OXSR1: variants seen among roughly 807,000 people sequenced by gnomAD.
OXSR1 encodes oxidative stress responsive kinase 1.
In OXSR1, 24 loss-of-function variants were observed where a neutral mutation model predicts 79.8. That is an observed-to-expected ratio of 0.30 (90% CI 0.22 to 0.42). OXSR1 has a LOEUF of 0.42. Among genes scored for constraint, OXSR1 ranks in the 10% least tolerant of loss-of-function variants. The pLI is 1.00. For missense variants in OXSR1, 430 were observed against 618.4 expected (o/e 0.70, Z 3.23); for synonymous variants, 226 against 209.2 (o/e 1.08, Z -0.69).
At position 38,197,320 on chromosome 3, in the gene OXSR1, C is replaced by T. The variant is rs35268196; in HGVS notation, c.293-1402C>T. Reference sequence around the variant, plus strand: ...GGTGAAGAGTTAGTAGGCAAGCCTCCGGGGAGGAATAGGAATCTGAGAATC... The same window carrying T: ...GGTGAAGAGTTAGTAGGCAAGCCTCTGGGGAGGAATAGGAATCTGAGAATC... On this transcript the variant is annotated intron_variant, in intron 3 of 17. Coordinates refer to ENST00000311806, the MANE Select transcript of OXSR1 (RefSeq NM_005109.3). Among the ~76,000 whole-genome samples the T allele has an allele frequency of 7.7e-4, 118 of 152,304 alleles. No homozygotes were observed. In the East Asian group the frequency reaches 0.019, roughly 25 times the overall value.
At chr3:38,191,393 C>A (rs1450161375) in intron 3 of OXSR1, among the ~76,000 whole-genome samples, 1 of 151,978 alleles carries the variant, frequency 6.6e-6, no homozygotes, top group Non-Finnish European at 1.5e-5. Context: ...AGGATGCTTC[C>A]TTCTTGCTTC....
chr3:38,183,426 T>G (rs1701824080), intron 2 of OXSR1, among the ~76,000 whole-genome samples: 1 of 152,348 alleles, frequency 6.6e-6, no homozygotes, highest in South Asian at 2.1e-4. Context: ...GAACTTTTTC[T>G]GTGTCTGTAA....
At chr3:38,179,012 G>T (rs1451965835) in intron 1 of OXSR1, among the ~76,000 whole-genome samples, 5 of 144,794 alleles carry the variant, frequency 3.5e-5, no homozygotes, top group Non-Finnish European at 6.0e-5. Flanking sequence ...CTACAGACGT[G>T]CACCACCACA....
intron 7 of OXSR1, 53 bp from the exon 8 acceptor site, chr3:38,224,518 G>T (rs1325130830): frequency 2.1e-6 from 3 of 1,458,346 alleles, no homozygotes; most frequent in Non-Finnish European, 2.8e-6. Flanking sequence ...GACCACAATA[G>T]TTAAACTTTA....
At position 38,247,249 on chromosome 3, in the gene OXSR1, C is replaced by T. The variant is rs569368520; in HGVS notation, c.1258-419C>T. On this transcript the variant is annotated intron_variant, in intron 13 of 17. Transcript: ENST00000311806. ...AGTTTAGCCATAAAAAGACTGGAAC[C>T]TATGTATGGGTTGGATGGATTTCTG... Among the ~76,000 whole-genome samples, 13 of 152,172 alleles carry T rather than the reference C, an allele frequency of 8.5e-5. No individual in the cohort carries two copies. The East Asian group carries it at 2.1e-3, about 25-fold the overall frequency.
At chr3:38,167,637 A>G (rs1192640268) in intron 1 of OXSR1, among the ~76,000 whole-genome samples, 1 of 152,258 alleles carries the variant, frequency 6.6e-6, no homozygotes, top group Non-Finnish European at 1.5e-5. Flanking sequence ...AAACAAAAAC[A>G]AAACAAAACA....
intron 16 of OXSR1, 124 bp downstream of exon 16, chr3:38,251,595 C>T (rs1703258190): frequency 2.7e-6 from 2 of 752,076 alleles, no homozygotes; most frequent in Admixed American, 2.1e-5. Context: ...CTTGGCTTTC[C>T]TGAAATTATA....
At chr3:38,216,853 C>T (rs936455967) in intron 5 of OXSR1, among the ~76,000 whole-genome samples, 3 of 151,992 alleles carry the variant, frequency 2.0e-5, no homozygotes, top group Non-Finnish European at 2.9e-5. Context: ...TCTTCATGTC[C>T]GTGAGGTAAG....
chr3:38,178,153 G>A (rs1167674774), intron 1 of OXSR1, among the ~76,000 whole-genome samples: 1 of 152,166 alleles, frequency 6.6e-6, no homozygotes, highest in Non-Finnish European at 1.5e-5. Flanking sequence ...GATTCGCCAT[G>A]TTGGCCAGGC....
chr3:38,198,385 A>G (rs543070572), intron 3 of OXSR1, among the ~76,000 whole-genome samples: 55 of 152,218 alleles, frequency 3.6e-4, no homozygotes, highest in African/African-American at 1.3e-3. Flanking sequence ...TTAAAAGCCT[A>G]TATTGGTTTG....
intron 1 of OXSR1, among the ~76,000 whole-genome samples, chr3:38,172,694 G>T (rs116130168): frequency 5.8e-4 from 89 of 152,220 alleles, no homozygotes; most frequent in African/African-American, 2.0e-3. Flanking sequence ...GCTTAATAGT[G>T]TATTTTTCCA....
intron 12 of OXSR1, among the ~76,000 whole-genome samples, chr3:38,243,858 G>A (rs549645903): frequency 5.3e-5 from 8 of 152,232 alleles, no homozygotes; most frequent in South Asian, 2.1e-4. Flanking sequence ...GGGGAATTGC[G>A]TTTTCCTGCC....
chr3:38,182,261 G>A (rs1039517030), intron 1 of OXSR1, among the ~76,000 whole-genome samples: 12 of 152,146 alleles, frequency 7.9e-5, no homozygotes, highest in African/African-American at 2.9e-4. Context: ...GCTGCTAAGG[G>A]CAGATTGGCT....
rs574242444 is a variant in OXSR1 at position 38,186,954 on chromosome 3, A to G, written c.184-3777A>G. ...AATATATGAGCTTTTCAGTTTCTCT[A>G]TATCCTCACCAATACTTGTTATTGT... is the stretch of plus-strand genomic sequence containing the variant. On this transcript the variant is annotated intron_variant, in intron 2 of 17. Coordinates refer to ENST00000311806, the MANE Select transcript of OXSR1 (RefSeq NM_005109.3). 1.3e-4 allele frequency among the ~76,000 whole-genome samples: 20 copies of G among 152,302 alleles called. No homozygotes were observed. The South Asian group carries it at 1.9e-3, about 14-fold the overall frequency.
chr3:38,211,650 TC>T (rs1702390444), intron 4 of OXSR1, among the ~76,000 whole-genome samples: 1 of 152,196 alleles, frequency 6.6e-6, no homozygotes, highest in Non-Finnish European at 1.5e-5. Context: ...TAGTTTTAGC[TC>T]CTAACCTTAT....
intron 8 of OXSR1, among the ~76,000 whole-genome samples, chr3:38,226,670 C>T (rs1290454541): frequency 2.0e-5 from 3 of 151,942 alleles, no homozygotes; most frequent in Admixed American, 6.6e-5. Flanking sequence ...TCCGTAACTT[C>T]GGTCTATAAT....
intron 2 of OXSR1, among the ~76,000 whole-genome samples, chr3:38,189,770 G>T (rs1048293034): frequency 3.3e-5 from 5 of 152,214 alleles, no homozygotes; most frequent in Non-Finnish European, 5.9e-5. Context: ...TTACAGTTTT[G>T]TGGGGGATGT....
At chr3:38,229,985 A>G (rs1487974380) in intron 9 of OXSR1, among the ~76,000 whole-genome samples, 1 of 152,218 alleles carries the variant, frequency 6.6e-6, no homozygotes, top group Non-Finnish European at 1.5e-5. Context: ...CATTATAAAT[A>G]TAATTTGTGA....
intron 11 of OXSR1, among the ~76,000 whole-genome samples, chr3:38,241,862 T>C (rs1205671711): frequency 6.6e-6 from 1 of 151,682 alleles, no homozygotes; most frequent in Non-Finnish European, 1.5e-5. Context: ...CTACATTAGC[T>C]ATTACCTGAA....
Sources: allele counts gnomAD v4.1 joint callset (sites outside exome capture counted in the v4.1 genomes callset), GRCh38; gene constraint gnomAD v4.1.1; transcripts MANE v1.5; gene names NCBI Gene and HGNC (gene_info 2026-07-23, HGNC 2026-07-21).